The following ARID1B variants were observed in gnomAD, a reference collection of about 807,000 sequenced individuals.
ARID1B encodes AT-rich interaction domain 1B.
In ARID1B, 30 loss-of-function variants were observed where a neutral mutation model predicts 212.3. That is an observed-to-expected ratio of 0.14 (90% CI 0.11 to 0.19). The LOEUF is 0.19. ARID1B is among the 10% of genes least tolerant of loss of function. ARID1B has a pLI of 1.00. For missense variants in ARID1B, 2,891 were observed against 3,204.0 expected, an observed-to-expected ratio of 0.90 and a Z score of 2.36; for synonymous variants, 1,402 against 1,301.7, an observed-to-expected ratio of 1.08 and a Z score of -1.66.
chr6:156,851,975 T>C (rs955944900), intron 2 of ARID1B, among the ~76,000 whole-genome samples: 9 of 152,216 alleles, frequency 5.9e-5, no homozygotes, highest in African/African-American at 2.2e-4. Flanking sequence ...AGAAAAGGGA[T>C]GCTTTCAGTA....
At chr6:156,890,263 A>C (rs1249318952) in intron 2 of ARID1B, among the ~76,000 whole-genome samples, 3 of 152,240 alleles carry the variant, frequency 2.0e-5, no homozygotes, top group Non-Finnish European at 4.4e-5. Context: ...TAGAATAAGC[A>C]GTGAAATTTT....
chr6:157,203,711 C>A lies in ARID1B; in HGVS notation c.5264-155C>A. ...TACAGCTATGGCCTCCATTTAAAAT[C>A]GGAAATGATCACGCTTAACTGTCCT... is the stretch of plus-strand genomic sequence containing the variant. On this transcript the variant is annotated intron_variant, in intron 18 of 19. Coordinates refer to ENST00000636930, the MANE Select transcript of ARID1B (RefSeq NM_001374828.1). The surrounding 1 kb of genome is among the most constrained non-coding windows in gnomAD (Gnocchi z 4.4). 2.1e-6 allele frequency: 2 copies of A among 947,542 alleles called. No individual in the cohort carries two copies. Among genetic ancestry groups the A allele is most frequent in the Non-Finnish European group, 3.2e-6 (2 of 625,922 alleles). 58.7% of individuals were successfully genotyped at this position (947,542 alleles called of 1,614,324 possible).
At chr6:156,853,179 C>G (rs1212220836) in intron 2 of ARID1B, among the ~76,000 whole-genome samples, 1 of 152,170 alleles carries the variant, frequency 6.6e-6, no homozygotes, top group East Asian at 1.9e-4. Context: ...TGCTTTAAAT[C>G]TTACTTAACA....
rs76700622 is a variant in ARID1B at position 156,997,282 on chromosome 6, C to T, written c.2247+61706C>T. Reference sequence around the variant, plus strand: ...CATCTGAAGAAACCATAGAAGTTTGCGATTATATTACAGAATTCCTCTCAT... The same window carrying T: ...CATCTGAAGAAACCATAGAAGTTTGTGATTATATTACAGAATTCCTCTCAT... On this transcript the variant is annotated intron_variant, in intron 4 of 19. Transcript: ENST00000636930. Among the ~76,000 whole-genome samples the T allele has an allele frequency of 2.2e-4, 34 of 152,252 alleles. No homozygotes were observed. In the East Asian group the frequency reaches 6.0e-3, roughly 27 times the overall value.
intron 1 of ARID1B, among the ~76,000 whole-genome samples, chr6:156,806,459 TTACTG>T (rs1203670836): frequency 6.6e-6 from 1 of 152,196 alleles, no homozygotes; most frequent in Non-Finnish European, 1.5e-5. Flanking sequence ...TTCACAGACT[TTACTG>T]TATCATATTT....
intron 2 of ARID1B, chr6:156,871,522 G>A (rs1360396728): frequency 8.7e-7 from 1 of 1,144,228 alleles, no homozygotes; most frequent in East Asian, 2.5e-5. Context: ...GTTGCTCAAG[G>A]TCACCTAATT....
chr6:156,845,471 TG>T (rs1380369660), intron 2 of ARID1B, among the ~76,000 whole-genome samples: 1 of 152,132 alleles, frequency 6.6e-6, no homozygotes, highest in East Asian at 1.9e-4. Context: ...TGTCTCTGCT[TG>T]TCAGAAAGGT....
chr6:156,787,101 A>G (rs1779695868), intron 1 of ARID1B, among the ~76,000 whole-genome samples: 1 of 152,214 alleles, frequency 6.6e-6, no homozygotes. Flanking sequence ...AGCGAAATAT[A>G]GATTCACTAC....
chr6:156,863,785 G>A (rs1379105894), intron 2 of ARID1B, among the ~76,000 whole-genome samples: 1 of 152,156 alleles, frequency 6.6e-6, no homozygotes, highest in Non-Finnish European at 1.5e-5. Flanking sequence ...CTGTTGGTTG[G>A]ATGAAAGATG....
chr6:156,917,368 TG>T (rs1790441651), intron 3 of ARID1B, among the ~76,000 whole-genome samples: 2 of 152,160 alleles, frequency 1.3e-5, no homozygotes, highest in South Asian at 2.1e-4. Flanking sequence ...GTTTTGCATG[TG>T]GGAATCTAGT....
chr6:157,191,250 C>T (rs1029341158), intron 15 of ARID1B, among the ~76,000 whole-genome samples: 3 of 151,862 alleles, frequency 2.0e-5, no homozygotes, highest in Admixed American at 6.6e-5. Flanking sequence ...GGGAACCCGC[C>T]GGCAGAGTGT....
Position 157,203,630 on chromosome 6 carries a change from C to CT in ARID1B, c.5264-233dup, listed in dbSNP as rs1291488600. 3.9e-6 allele frequency: 2 copies of CT among 513,284 alleles called. No homozygotes were observed. Among genetic ancestry groups the CT allele is most frequent in the Non-Finnish European group, 3.5e-6 (1 of 284,100 alleles). The allele number at this position is 513,284 out of a possible 1,614,324, so 31.8% of individuals were successfully genotyped here. A position where few individuals can be genotyped will look rare whatever the true frequency, so the allele number is the denominator to read the frequency against. On this transcript the variant is annotated intron_variant, in intron 18 of 19. Transcript: ENST00000636930. The surrounding 1 kb of genome is among the most constrained non-coding windows in gnomAD (Gnocchi z 4.4). ...CTCAACCACTCCACCTCCAGAAGCACTTTCGGCCCCTGCGTGACCAACAAA... is the reference window on the plus strand; with the variant it reads ...CTCAACCACTCCACCTCCAGAAGCACTTTTCGGCCCCTGCGTGACCAACAAA...
chr6:157,195,812 G>A, intron 15 of ARID1B: 1 of 261,580 alleles, frequency 3.8e-6, no homozygotes, highest in South Asian at 4.1e-5. Flanking sequence ...TATAATCCCA[G>A]CATGTTGCAA....
intron 15 of ARID1B, among the ~76,000 whole-genome samples, chr6:157,191,076 G>A (rs1170364643): frequency 1.3e-5 from 2 of 152,164 alleles, no homozygotes; most frequent in African/African-American, 4.8e-5. Context: ...GGTGAAAGAT[G>A]TTATGCAGGG....
intron 1 of ARID1B, among the ~76,000 whole-genome samples, chr6:156,809,122 GTTAC>G (rs1040511078): frequency 6.6e-6 from 1 of 151,938 alleles, no homozygotes; most frequent in African/African-American, 2.4e-5. Context: ...CCTACTTTAC[GTTAC>G]TTACTCTGTA....
chr6:156,865,655 T>C (rs1785633690), intron 2 of ARID1B, among the ~76,000 whole-genome samples: 1 of 152,174 alleles, frequency 6.6e-6, no homozygotes, highest in African/African-American at 2.4e-5. Context: ...ACTCATCATC[T>C]CATACTAGAC....
At chr6:157,165,681 T>C (rs1212141839) in intron 8 of ARID1B, among the ~76,000 whole-genome samples, 1 of 152,118 alleles carries the variant, frequency 6.6e-6, no homozygotes, top group Non-Finnish European at 1.5e-5. Context: ...AAACCCCGTC[T>C]CTACAAAAAT....
At chr6:157,195,218 TC>T (rs1223855566) in intron 15 of ARID1B, 1 of 152,164 alleles carries the variant, frequency 6.6e-6, no homozygotes, top group Non-Finnish European at 1.5e-5. Context: ...CTGCTCAGGG[TC>T]CCACAGGCTA....
intron 2 of ARID1B, among the ~76,000 whole-genome samples, chr6:156,871,249 A>C (rs1193952251): frequency 6.6e-6 from 1 of 152,210 alleles, no homozygotes; most frequent in East Asian, 1.9e-4. Flanking sequence ...ACTGTAGCTT[A>C]CTTATCTTTT....
Sources: gnomAD v4.1 joint callset for allele counts (sites outside exome capture counted in the v4.1 genomes callset) on GRCh38, gnomAD v4.1.1 for gene constraint, Gnocchi (gnomAD v3.1) non-coding constraint, MANE v1.5 for transcripts, NCBI Gene and HGNC (gene_info 2026-07-23, HGNC 2026-07-21) for gene names.